Variants in CSMD1 observed in about 807,000 individuals in gnomAD.
The protein encoded by CSMD1 is CUB and Sushi multiple domains 1.
A neutral mutation model predicts 417.5 loss-of-function variants in CSMD1; 213 were observed. That is an observed-to-expected ratio of 0.51 (90% CI 0.46 to 0.57). The LOEUF (loss-of-function observed/expected upper bound fraction) is 0.57, where lower values mean the gene tolerates loss of function less well. Ranked by LOEUF, CSMD1 falls within the 20% of genes least tolerant of loss-of-function variation. The pLI is 0.00. For synonymous variants in CSMD1, 2,862 were observed against 1,736.8 expected (o/e 1.65, Z -16.11); for missense variants, 6,923 against 4,529.7 (o/e 1.53, Z -15.17).
At chr8:3,321,363 C>G (rs929208453) in intron 23 of CSMD1, among the ~76,000 whole-genome samples, 2 of 152,166 alleles carry the variant, frequency 1.3e-5, no homozygotes, top group Non-Finnish European at 2.9e-5. Flanking sequence ...CAGATCCTCC[C>G]TGCCCTTTAA....
chr8:3,748,885 G>T (rs1371378981), intron 6 of CSMD1, among the ~76,000 whole-genome samples: 1 of 152,144 alleles, frequency 6.6e-6, no homozygotes, highest in South Asian at 2.1e-4. Flanking sequence ...CACTGTCAGG[G>T]TTTCCCTTGA....
intron 8 of CSMD1, among the ~76,000 whole-genome samples, chr8:3,603,055 G>C (rs902682234): frequency 2.6e-5 from 4 of 152,164 alleles, no homozygotes; most frequent in African/African-American, 9.7e-5. Flanking sequence ...TCAGAAGCAA[G>C]TTTAGCCACA....
intron 1 of CSMD1, among the ~76,000 whole-genome samples, chr8:4,952,996 A>G (rs1260773742): frequency 6.6e-6 from 1 of 152,178 alleles, no homozygotes; most frequent in African/African-American, 2.4e-5. Context: ...CCATGCATTC[A>G]TACTTATACT....
intron 3 of CSMD1, among the ~76,000 whole-genome samples, chr8:4,063,754 T>C (rs1799101135): frequency 2.0e-5 from 3 of 152,146 alleles, no homozygotes; most frequent in African/African-American, 4.8e-5. Context: ...TTATTTTGAA[T>C]CTAAATTTCA....
intron 10 of CSMD1, among the ~76,000 whole-genome samples, chr8:3,505,765 C>G (rs1336820303): frequency 6.6e-6 from 1 of 152,080 alleles, no homozygotes; most frequent in African/African-American, 2.4e-5. Flanking sequence ...AGCAAACAGG[C>G]TATTTTATGT....
At chr8:3,290,572 G>C (rs137945723) in intron 25 of CSMD1, among the ~76,000 whole-genome samples, 3,574 of 145,848 alleles carry the variant, frequency 0.025, 642 homozygotes, top group African/African-American at 0.092. Context: ...TAGGTATTTT[G>C]TTCTCTTTGA....
At chr8:4,595,659 G>A (rs900060423) in intron 2 of CSMD1, among the ~76,000 whole-genome samples, 1 of 152,078 alleles carries the variant, frequency 6.6e-6, no homozygotes, top group Non-Finnish European at 1.5e-5. Context: ...CCCAGCTACT[G>A]GGGAGGCTGA....
At chr8:3,566,300 G>C (rs984679503) in intron 10 of CSMD1, among the ~76,000 whole-genome samples, 1 of 152,124 alleles carries the variant, frequency 6.6e-6, no homozygotes, top group African/African-American at 2.4e-5. Flanking sequence ...CTTAGTATTT[G>C]GCAAATAATA....
intron 5 of CSMD1, among the ~76,000 whole-genome samples, chr8:3,849,454 G>A (rs764259161): frequency 6.6e-5 from 10 of 152,102 alleles, no homozygotes; most frequent in African/African-American, 2.2e-4. Flanking sequence ...TCCTTCTGGC[G>A]GTTACTCCTT....
intron 7 of CSMD1, among the ~76,000 whole-genome samples, chr8:3,688,972 G>A (rs1174064443): frequency 6.6e-6 from 1 of 152,048 alleles, no homozygotes; most frequent in African/African-American, 2.4e-5. Context: ...AAATTAAAAA[G>A]GGTTACTTCA....
chr8:3,705,361 C>T (rs1033340473), intron 7 of CSMD1, among the ~76,000 whole-genome samples: 5 of 152,178 alleles, frequency 3.3e-5, no homozygotes, highest in Admixed American at 6.5e-5. Flanking sequence ...CCATCCATAC[C>T]CTGGTGCTTC....
At chr8:4,994,013 G>A (rs1811621840) in intron 1 of CSMD1, among the ~76,000 whole-genome samples, 1 of 152,152 alleles carries the variant, frequency 6.6e-6, no homozygotes, top group Non-Finnish European at 1.5e-5. Context: ...ACACCGCCCC[G>A]GCGGAGCACA....
At chr8:4,193,384 A>G (rs1175574390) in intron 3 of CSMD1, among the ~76,000 whole-genome samples, 2 of 152,220 alleles carry the variant, frequency 1.3e-5, no homozygotes, top group Non-Finnish European at 2.9e-5. Flanking sequence ...CTGAGTATCA[A>G]AATGAATATT....
At chr8:4,261,752 T>A (rs1458362446) in intron 3 of CSMD1, among the ~76,000 whole-genome samples, 3 of 152,074 alleles carry the variant, frequency 2.0e-5, no homozygotes, top group Non-Finnish European at 4.4e-5. Context: ...AGAAAAATGT[T>A]TTCTATGTGA....
chr8:4,944,746 T>C (rs975160633), intron 1 of CSMD1, among the ~76,000 whole-genome samples: 1 of 151,678 alleles, frequency 6.6e-6, no homozygotes, highest in African/African-American at 2.4e-5. Context: ...AAAAACAAAA[T>C]AGCAACTGTT....
At chr8:4,118,124 T>A (rs569271785) in intron 3 of CSMD1, among the ~76,000 whole-genome samples, 1 of 151,846 alleles carries the variant, frequency 6.6e-6, no homozygotes, top group Non-Finnish European at 1.5e-5. Flanking sequence ...TACAGAATAG[T>A]GAGGAAACGG....
intron 2 of CSMD1, among the ~76,000 whole-genome samples, chr8:4,441,857 A>C (rs1002416140): frequency 2.0e-5 from 3 of 152,218 alleles, no homozygotes; most frequent in African/African-American, 4.8e-5. Flanking sequence ...CGAAAATTCC[A>C]GAAAGATTTG....
chr8:3,881,497 C>T (rs757712744), intron 5 of CSMD1, among the ~76,000 whole-genome samples: 9 of 150,152 alleles, frequency 6.0e-5, no homozygotes, highest in South Asian at 2.1e-4. Flanking sequence ...ATTAGCTGGG[C>T]GTAGTGGTGG....
intron 3 of CSMD1, among the ~76,000 whole-genome samples, chr8:4,088,163 A>G (rs989893898): frequency 1.3e-5 from 2 of 152,174 alleles, no homozygotes; most frequent in Non-Finnish European, 2.9e-5. Context: ...TAAAGACATG[A>G]ATATTCTTCC....
Sources: allele counts gnomAD v4.1 joint callset (sites outside exome capture counted in the v4.1 genomes callset), GRCh38; gene constraint gnomAD v4.1.1; transcripts MANE v1.5; gene names NCBI Gene and HGNC (gene_info 2026-07-23, HGNC 2026-07-21).